CTNND2: variants seen among roughly 807,000 people sequenced by gnomAD.
CTNND2 encodes the protein catenin delta 2.
In CTNND2, 22 loss-of-function variants were observed where a neutral mutation model predicts 144.4. The observed-to-expected ratio is 0.15, with a 90% confidence interval of 0.11 to 0.22. The LOEUF (loss-of-function observed/expected upper bound fraction) is 0.22, where lower values mean the gene tolerates loss of function less well. Ranked by LOEUF, CTNND2 falls within the 10% of genes least tolerant of loss-of-function variation. The pLI, the probability that CTNND2 is intolerant of heterozygous loss-of-function variation, is 1.00. For missense variants in CTNND2, 1,353 were observed against 1,618.8 expected, an observed-to-expected ratio of 0.84 and a Z score of 2.82; for synonymous variants, 751 against 695.6, an observed-to-expected ratio of 1.08 and a Z score of -1.25.
intron 1 of CTNND2, among the ~76,000 whole-genome samples, chr5:11,783,076 A>G (rs924977975): frequency 1.3e-5 from 2 of 151,728 alleles, no homozygotes; most frequent in South Asian, 2.1e-4. Flanking sequence ...AACTTAATAA[A>G]TTATGAAGAG....
intron 8 of CTNND2, among the ~76,000 whole-genome samples, chr5:11,349,014 G>C (rs1755076762): frequency 6.6e-6 from 1 of 152,144 alleles, no homozygotes; most frequent in South Asian, 2.1e-4. Context: ...GGTTTCTAAA[G>C]GTGGAGAACT....
At chr5:11,885,659 C>T (rs1412783986) in intron 1 of CTNND2, among the ~76,000 whole-genome samples, 2 of 152,268 alleles carry the variant, frequency 1.3e-5, no homozygotes, top group Middle Eastern at 3.4e-3. Context: ...AGTTAAACTA[C>T]CCTCTGAACC....
chr5:10,979,186 G>A (rs1736903806), intron 21 of CTNND2, among the ~76,000 whole-genome samples: 2 of 152,214 alleles, frequency 1.3e-5, no homozygotes, highest in Non-Finnish European at 2.9e-5. Flanking sequence ...TCTGCTTACT[G>A]TACATCCAGA....
chr5:11,688,177 G>A (rs1251793152), intron 2 of CTNND2, among the ~76,000 whole-genome samples: 1 of 152,088 alleles, frequency 6.6e-6, no homozygotes, highest in East Asian at 1.9e-4. Context: ...TAACGTTTCT[G>A]GGAAGTTTCA....
At chr5:11,459,846 G>C (rs1482555382) in intron 3 of CTNND2, among the ~76,000 whole-genome samples, 1 of 152,152 alleles carries the variant, frequency 6.6e-6, no homozygotes, top group Non-Finnish European at 1.5e-5. Context: ...ATGTCAAGTT[G>C]TAAGTACCTA....
rs770854046 is a variant in CTNND2 at position 11,346,407 on chromosome 5, C to T, written c.1593G>A (p.Arg531=). The T allele has an allele frequency of 6.6e-7, 1 of 1,513,992 alleles. No individual in the cohort carries two copies. The highest frequency in any genetic ancestry group is 8.9e-7 in the Non-Finnish European group (1 of 1,127,350). The allele number at this position is 1,513,992 out of a possible 1,614,324, so 93.8% of individuals were successfully genotyped here. ...PALPPEGTLA[R]SPSIDSIQKD... ...TCTGAATGCTATCAATGGACGGGGA[C>T]CTGGCCAAGGTGCCTTCAGGCGGGA... The change falls in exon 9 of 22, where the codon AGG becomes AGA. Residue 531 remains arginine, a synonymous_variant. Coordinates refer to ENST00000304623, the MANE Select transcript of CTNND2 (RefSeq NM_001332.4).
intron 11 of CTNND2, among the ~76,000 whole-genome samples, chr5:11,185,794 G>A (rs1056479415): frequency 1.1e-4 from 17 of 152,188 alleles, no homozygotes; most frequent in African/African-American, 3.9e-4. Flanking sequence ...GGATGTAGAC[G>A]TTATATAATT....
intron 8 of CTNND2, among the ~76,000 whole-genome samples, chr5:11,362,357 G>T (rs1018256518): frequency 1.3e-5 from 2 of 152,100 alleles, no homozygotes; most frequent in African/African-American, 4.8e-5. Context: ...CATATTAAAG[G>T]CATTTTCTCA....
intron 11 of CTNND2, among the ~76,000 whole-genome samples, chr5:11,184,751 A>G (rs957569514): frequency 6.6e-6 from 1 of 152,146 alleles, no homozygotes; most frequent in Admixed American, 6.5e-5. Context: ...TGTCCCTAGC[A>G]ATTTTTGTGT....
At chr5:11,336,214 T>C (rs1429116879) in intron 9 of CTNND2, among the ~76,000 whole-genome samples, 2 of 152,228 alleles carry the variant, frequency 1.3e-5, no homozygotes, top group Non-Finnish European at 2.9e-5. Context: ...CATTCTTTCC[T>C]TGCTTTGTGA....
chr5:11,356,798 C>G (rs896073117), intron 8 of CTNND2, among the ~76,000 whole-genome samples: 2 of 151,304 alleles, frequency 1.3e-5, no homozygotes, highest in Admixed American at 1.3e-4. Flanking sequence ...TGGTTAACAT[C>G]CAGAATATAT....
chr5:11,902,427 G>A (rs1340791784), intron 1 of CTNND2, among the ~76,000 whole-genome samples: 3 of 152,174 alleles, frequency 2.0e-5, no homozygotes, highest in African/African-American at 7.2e-5. Flanking sequence ...GATTTTAGAA[G>A]TGGTGCAGCC....
intron 1 of CTNND2, among the ~76,000 whole-genome samples, chr5:11,733,813 T>C (rs1013834212): frequency 1.3e-5 from 2 of 152,214 alleles, no homozygotes; most frequent in Non-Finnish European, 2.9e-5. Context: ...GATGCATATG[T>C]ACAGGTTAAA....
intron 12 of CTNND2, 150 bp from the exon 13 acceptor site, chr5:11,117,717 G>T (rs1018541959): frequency 2.2e-5 from 15 of 667,898 alleles, no homozygotes; most frequent in Non-Finnish European, 3.4e-5. Context: ...AATGAAAAGG[G>T]ATGGCTTCCA....
Position 11,395,909 on chromosome 5 carries a change from T to G in CTNND2, c.612+1122A>C, listed in dbSNP as rs1205689900. ...CTTTGCCTCTCACCTCTGCATTCAT[T>G]TTTTGGGGCCATGTGGCCTGCCAGG... On this transcript the variant is annotated intron_variant, in intron 6 of 21. Coordinates refer to ENST00000304623, the MANE Select transcript of CTNND2 (RefSeq NM_001332.4). 2.0e-5 allele frequency among the ~76,000 whole-genome samples: 3 copies of G among 152,200 alleles called. No individual in the cohort carries two copies. The East Asian group carries it at 5.8e-4, about 29-fold the overall frequency.
intron 12 of CTNND2, among the ~76,000 whole-genome samples, chr5:11,125,235 G>C (rs1208696402): frequency 6.6e-6 from 1 of 152,140 alleles, no homozygotes; most frequent in Non-Finnish European, 1.5e-5. Context: ...TCTCTCTCTA[G>C]GTGCAGAGGT....
chr5:11,879,894 C>T (rs1188048453), intron 1 of CTNND2, among the ~76,000 whole-genome samples: 1 of 152,194 alleles, frequency 6.6e-6, no homozygotes, highest in Non-Finnish European at 1.5e-5. Context: ...GGCATGGTCA[C>T]ATGGCCCACT....
intron 3 of CTNND2, among the ~76,000 whole-genome samples, chr5:11,558,381 T>TGTGA (rs780585746): frequency 1.3e-4 from 5 of 39,412 alleles, no homozygotes; most frequent in South Asian, 2.1e-3. Context: ...TGTGTGTGTG[T>TGTGA]GACACACAAG....
chr5:11,201,497 T>A (rs1435258212), intron 10 of CTNND2, among the ~76,000 whole-genome samples: 1 of 152,222 alleles, frequency 6.6e-6, no homozygotes, highest in Non-Finnish European at 1.5e-5. Context: ...TAGAGCATGC[T>A]TCATTCATAC....
Sources: allele counts gnomAD v4.1 joint callset (sites outside exome capture counted in the v4.1 genomes callset), GRCh38; gene constraint gnomAD v4.1.1; transcripts MANE v1.5; gene names NCBI Gene and HGNC (gene_info 2026-07-23, HGNC 2026-07-21).